CSMD1: variants seen among roughly 807,000 people sequenced by gnomAD.
CSMD1 encodes the protein CUB and sushi domain-containing protein 1.
CSMD1 carries 213 observed loss-of-function variants against 417.5 expected under a neutral mutation model. That is an observed-to-expected ratio of 0.51 (90% confidence interval 0.46 to 0.57). CSMD1 has a LOEUF of 0.57. CSMD1 is among the 20% of genes least tolerant of loss of function. The pLI is 0.00. For missense variants in CSMD1, 6,923 were observed against 4,529.7 expected (o/e 1.53, Z -15.17); for synonymous variants, 2,862 against 1,736.8 (o/e 1.65, Z -16.11).
At chr8:3,497,898 C>T (rs1796433260) in intron 10 of CSMD1, among the ~76,000 whole-genome samples, 2 of 152,168 alleles carry the variant, frequency 1.3e-5, no homozygotes, top group South Asian at 4.1e-4. Flanking sequence ...GTGAATATTA[C>T]TCTTTTGTGT....
chr8:3,901,688 T>G (rs1001998010), intron 5 of CSMD1, among the ~76,000 whole-genome samples: 2 of 152,330 alleles, frequency 1.3e-5, no homozygotes, highest in East Asian at 3.9e-4. Context: ...TTTAACAACT[T>G]TATTAGATTT....
chr8:3,291,843 C>G (rs571502212), intron 25 of CSMD1, among the ~76,000 whole-genome samples: 1 of 152,006 alleles, frequency 6.6e-6, no homozygotes, highest in South Asian at 2.1e-4. Flanking sequence ...CTGCTCCGAT[C>G]TTAGTTATTT....
chr8:4,618,430 G>A (rs181947196), intron 2 of CSMD1, among the ~76,000 whole-genome samples: 2 of 152,134 alleles, frequency 1.3e-5, no homozygotes, highest in East Asian at 1.9e-4. Context: ...AGGTGGGCAG[G>A]ACTCACGGAG....
chr8:4,355,334 C>CAG (rs1801364943), intron 3 of CSMD1, among the ~76,000 whole-genome samples: 1 of 151,600 alleles, frequency 6.6e-6, no homozygotes, highest in Non-Finnish European at 1.5e-5. Context: ...CGCACACACA[C>CAG]ACACGTATAT....
At chr8:3,771,184 A>G (rs1003710828) in intron 5 of CSMD1, among the ~76,000 whole-genome samples, 1 of 148,020 alleles carries the variant, frequency 6.8e-6, no homozygotes, top group African/African-American at 2.7e-5. Flanking sequence ...ACTTTGGGGA[A>G]AAACGATGAC....
chr8:4,409,282 CT>C (rs1421048277), intron 3 of CSMD1, among the ~76,000 whole-genome samples: 1 of 152,146 alleles, frequency 6.6e-6, no homozygotes, highest in Non-Finnish European at 1.5e-5. Context: ...GTGTTCTCGG[CT>C]TTGTGTTAAG....
At chr8:4,914,109 AT>A in intron 1 of CSMD1, among the ~76,000 whole-genome samples, 1 of 152,084 alleles carries the variant, frequency 6.6e-6, no homozygotes, top group Non-Finnish European at 1.5e-5. Context: ...TGGATGATTG[AT>A]TTGTGTTGAG....
chr8:4,113,148 C>T (rs769351663), intron 3 of CSMD1, among the ~76,000 whole-genome samples: 1 of 152,090 alleles, frequency 6.6e-6, no homozygotes, highest in Admixed American at 6.5e-5. Flanking sequence ...CTTTATCTTA[C>T]TCTCCCTCCT....
At chr8:4,427,963 AC>A (rs1797660938) in intron 2 of CSMD1, among the ~76,000 whole-genome samples, 1 of 151,798 alleles carries the variant, frequency 6.6e-6, no homozygotes, top group Non-Finnish European at 1.5e-5. Flanking sequence ...TGTTTTTCTG[AC>A]TCCTTGCTGT....
At chr8:4,904,158 GT>G (rs2117056344) in intron 1 of CSMD1, among the ~76,000 whole-genome samples, 1 of 152,228 alleles carries the variant, frequency 6.6e-6, no homozygotes, top group Non-Finnish European at 1.5e-5. Flanking sequence ...CAGGGCAGGT[GT>G]TCTACCTTCT....
intron 3 of CSMD1, among the ~76,000 whole-genome samples, chr8:4,285,687 G>C (rs576373735): frequency 1.6e-3 from 251 of 152,258 alleles, no homozygotes; most frequent in African/African-American, 5.8e-3. Context: ...AGGAAGAATG[G>C]AGCTTTCCAG....
intron 19 of CSMD1, among the ~76,000 whole-genome samples, chr8:3,368,635 G>A (rs1478985771): frequency 6.6e-6 from 1 of 152,208 alleles, no homozygotes; most frequent in Non-Finnish European, 1.5e-5. Flanking sequence ...CACTTCACCT[G>A]GCCCCAAATA....
At chr8:3,765,591 A>G (rs182106909) in intron 5 of CSMD1, among the ~76,000 whole-genome samples, 7 of 152,302 alleles carry the variant, frequency 4.6e-5, no homozygotes, top group Non-Finnish European at 8.8e-5. Flanking sequence ...TGGTTTCTTT[A>G]CTTTTATTTT....
chr8:3,221,347 C>T (rs1646094260), intron 28 of CSMD1, among the ~76,000 whole-genome samples: 1 of 152,082 alleles, frequency 6.6e-6, no homozygotes, highest in African/African-American at 2.4e-5. Context: ...GTTGGAGTTA[C>T]TAGGTATAGG....
chr8:3,875,120 T>A (rs78762248), intron 5 of CSMD1, among the ~76,000 whole-genome samples: 1 of 138,414 alleles, frequency 7.2e-6, no homozygotes, highest in Non-Finnish European at 1.5e-5. Flanking sequence ...CAGGAACACA[T>A]TGTGGGGTTT....
chr8:3,965,967 G>A (rs1050024691), intron 5 of CSMD1, among the ~76,000 whole-genome samples: 1 of 152,270 alleles, frequency 6.6e-6, no homozygotes, highest in South Asian at 2.1e-4. Context: ...TTTTGAGAAA[G>A]CATAATTTAG....
intron 5 of CSMD1, among the ~76,000 whole-genome samples, chr8:3,962,854 T>G (rs1398627106): frequency 6.6e-6 from 1 of 152,188 alleles, no homozygotes; most frequent in Non-Finnish European, 1.5e-5. Flanking sequence ...ACAGACATGA[T>G]TTCTATTATT....
chr8:3,479,814 T>C (rs1186378302), intron 11 of CSMD1, among the ~76,000 whole-genome samples: 1 of 151,418 alleles, frequency 6.6e-6, no homozygotes, highest in Non-Finnish European at 1.5e-5. Flanking sequence ...TAAAGCCAGG[T>C]CGCTTAAAAA....
chr8:4,837,745 C>T (rs1165439600), intron 1 of CSMD1, among the ~76,000 whole-genome samples: 1 of 152,006 alleles, frequency 6.6e-6, no homozygotes, highest in Non-Finnish European at 1.5e-5. Flanking sequence ...TTAAAAATAA[C>T]AAAGAGTATA....
Sources: gnomAD v4.1 joint callset for allele counts (sites outside exome capture counted in the v4.1 genomes callset) on GRCh38, gnomAD v4.1.1 for gene constraint, MANE v1.5 for transcripts, NCBI Gene and HGNC (gene_info 2026-07-23, HGNC 2026-07-21) for gene names.